The following FSTL4 variants were observed in gnomAD, a reference collection of about 807,000 sequenced individuals.
FSTL4 encodes the protein follistatin-related protein 4.
FSTL4 carries 28 observed loss-of-function variants against 78.2 expected under a neutral mutation model. The observed-to-expected ratio is 0.36, with a 90% CI of 0.27 to 0.49. FSTL4 has a LOEUF of 0.49. Among genes scored for constraint, FSTL4 ranks in the 20% least tolerant of loss-of-function variants. FSTL4 has a pLI of 0.98. For missense variants in FSTL4, 922 were observed against 1,084.9 expected (o/e 0.85, Z 2.11); for synonymous variants, 422 against 440.5 (o/e 0.96, Z 0.53).
At chr5:133,722,048 A>G in the FSTL4 span, among the ~76,000 whole-genome samples, 1 of 151,910 alleles carries the variant, frequency 6.6e-6, no homozygotes, top group Non-Finnish European at 1.5e-5. Context: ...GCTTGATCAA[A>G]TCTGCTGTTG....
chr5:133,219,519 T>A (rs150002090), intron 12 of FSTL4, among the ~76,000 whole-genome samples: 63 of 152,304 alleles, frequency 4.1e-4, no homozygotes, highest in African/African-American at 1.5e-3. Flanking sequence ...AAAGTAGACA[T>A]CTAAGCCAGC....
intron 4 of FSTL4, among the ~76,000 whole-genome samples, chr5:133,344,799 T>A (rs13159148): frequency 2.0e-5 from 3 of 152,094 alleles, no homozygotes; most frequent in African/African-American, 7.2e-5. Context: ...CTGTTCTAAC[T>A]TGAATGGATT....
the FSTL4 span, among the ~76,000 whole-genome samples, chr5:133,717,180 T>C: frequency 2.0e-5 from 3 of 152,248 alleles, no homozygotes; most frequent in Non-Finnish European, 4.4e-5. Flanking sequence ...TTAACTAGTT[T>C]GAACAGTTAA....
chr5:133,277,312 C>CAA (rs11403305), intron 6 of FSTL4, among the ~76,000 whole-genome samples: 1,663 of 143,120 alleles, frequency 0.012, 12 homozygotes, highest in Non-Finnish European at 0.017. Flanking sequence ...GACTCGGTCT[C>CAA]AAAAAAAAAA....
At chr5:133,499,369 TACACACACACACACACACACACACAC>T (rs57363602) in intron 3 of FSTL4, among the ~76,000 whole-genome samples, 1 of 126,694 alleles carries the variant, frequency 7.9e-6, no homozygotes, top group East Asian at 2.6e-4. Context: ...ACAAGGGGAA[TACACACACACACACACACACACACAC>T]ACACACACAC....
At chr5:133,551,649 T>C (rs1759693666) in intron 3 of FSTL4, among the ~76,000 whole-genome samples, 1 of 152,210 alleles carries the variant, frequency 6.6e-6, no homozygotes, top group Admixed American at 6.5e-5. Context: ...ATCGTGTGAT[T>C]CTGGAGGAGC....
chr5:133,550,435 C>T (rs1490263449), intron 3 of FSTL4, among the ~76,000 whole-genome samples: 1 of 152,104 alleles, frequency 6.6e-6, no homozygotes, highest in Non-Finnish European at 1.5e-5. Flanking sequence ...CATCCTAGTC[C>T]CCCATACTAC....
the FSTL4 span, among the ~76,000 whole-genome samples, chr5:133,672,371 A>T: frequency 9.8e-5 from 15 of 152,348 alleles, 1 homozygote; most frequent in South Asian, 2.3e-3. Context: ...ATGAAACATG[A>T]TAGTGAAAAA....
In FSTL4 at chr5:133,395,363, G is replaced by A. The variant is rs571153634; in HGVS notation, c.409+5375C>T. 3.9e-5 allele frequency among the ~76,000 whole-genome samples: 6 copies of A among 152,248 alleles called. No homozygotes were observed. The South Asian group carries it at 6.2e-4, about 16-fold the overall frequency. ...CCTTAAGAGCTGTAACACTCACCGC[G>A]AAGGTCCGCAGCTTCACTCCTGAAG... On this transcript the variant is annotated intron_variant, in intron 4 of 15. Coordinates refer to ENST00000265342, the MANE Select transcript of FSTL4 (RefSeq NM_015082.2).
chr5:133,460,609 A>C (rs547192091), intron 3 of FSTL4, among the ~76,000 whole-genome samples: 2 of 152,284 alleles, frequency 1.3e-5, no homozygotes, highest in East Asian at 1.9e-4. Context: ...AACTGAAAAA[A>C]AGTCGACTTT....
intron 4 of FSTL4, among the ~76,000 whole-genome samples, chr5:133,320,078 T>C (rs1376747775): frequency 6.6e-6 from 1 of 152,082 alleles, no homozygotes; most frequent in Non-Finnish European, 1.5e-5. Flanking sequence ...GCTCCCTGCC[T>C]TCACTCCCTG....
chr5:133,772,300 CTCTTA>C, the FSTL4 span, among the ~76,000 whole-genome samples: 28 of 152,322 alleles, frequency 1.8e-4, no homozygotes, highest in African/African-American at 6.3e-4. Context: ...GAGGCCATCT[CTCTTA>C]TCTTGTCATT....
chr5:133,278,498 G>A (rs562188290), intron 6 of FSTL4, among the ~76,000 whole-genome samples: 6 of 152,316 alleles, frequency 3.9e-5, no homozygotes, highest in South Asian at 4.2e-4. Flanking sequence ...TGATACCAGC[G>A]TATGCTTCCT....
the FSTL4 span, among the ~76,000 whole-genome samples, chr5:133,748,274 T>G: frequency 6.6e-6 from 1 of 151,532 alleles, no homozygotes; most frequent in Non-Finnish European, 1.5e-5. Context: ...CTGGGAGGAA[T>G]TTAAGCATAG....
At chr5:133,627,116 C>A in the FSTL4 span, among the ~76,000 whole-genome samples, 11 of 149,398 alleles carry the variant, frequency 7.4e-5, no homozygotes, top group East Asian at 2.2e-3. Flanking sequence ...GTAGACTAAC[C>A]CTTTTACCAT....
chr5:133,801,562 C>T, the FSTL4 span, among the ~76,000 whole-genome samples: 1 of 152,230 alleles, frequency 6.6e-6, no homozygotes, highest in African/African-American at 2.4e-5. Flanking sequence ...AACAGCCTAG[C>T]CTCCTTTCTT....
At chr5:133,803,406 G>A in the FSTL4 span, among the ~76,000 whole-genome samples, 44 of 152,182 alleles carry the variant, frequency 2.9e-4, no homozygotes, top group East Asian at 3.9e-4. Context: ...GTTGGGCCCC[G>A]CCTCTATACT....
chr5:133,834,091 T>C, the FSTL4 span, among the ~76,000 whole-genome samples: 1 of 152,218 alleles, frequency 6.6e-6, no homozygotes, highest in South Asian at 2.1e-4. Context: ...TTGCTAGAGA[T>C]TAGAGTAATA....
intron 3 of FSTL4, among the ~76,000 whole-genome samples, chr5:133,540,720 C>CAAAAAAAAAAAAAAAAAAAAAAAAA (rs79162509): frequency 1.9e-4 from 13 of 70,268 alleles, no homozygotes; most frequent in African/African-American, 3.4e-4. Flanking sequence ...TTAACATAGG[C>CAAAAAAAAAAAAAAAAAAAAAAAAA]AAAAAAAAAA....
Sources: allele counts gnomAD v4.1 joint callset (sites outside exome capture counted in the v4.1 genomes callset), GRCh38; gene constraint gnomAD v4.1.1; transcripts MANE v1.5; gene names NCBI Gene and HGNC (gene_info 2026-07-23, HGNC 2026-07-21).